Variants in MCPH1 observed in about 807,000 individuals in gnomAD.
MCPH1 encodes microcephalin 1.
In MCPH1, 104 loss-of-function variants were observed where a neutral mutation model predicts 84.5. The ratio of observed to expected loss-of-function variants is 1.23; its 90% CI spans 1.05 to 1.45. The LOEUF is 1.45. Among genes scored for constraint, MCPH1 ranks in the 40% most tolerant of loss-of-function variants. The pLI, the probability that MCPH1 is intolerant of heterozygous loss-of-function variation, is 0.00. For missense variants in MCPH1, 1,498 were observed against 1,005.7 expected, an observed-to-expected ratio of 1.49 and a Z score of -6.62; for synonymous variants, 514 against 366.8, an observed-to-expected ratio of 1.40 and a Z score of -4.58.
intron 9 of MCPH1, among the ~76,000 whole-genome samples, chr8:6,471,408 C>G (rs1281632856): frequency 6.6e-6 from 1 of 152,100 alleles, no homozygotes; most frequent in Non-Finnish European, 1.5e-5. Flanking sequence ...AAATGATACT[C>G]AATTACAGTT....
chr8:6,409,994 G>A (rs771470909), intron 2 of MCPH1, among the ~76,000 whole-genome samples: 2 of 151,026 alleles, frequency 1.3e-5, no homozygotes, highest in African/African-American at 2.5e-5. Context: ...TTTTTGAGAC[G>A]GAGTCTCGCT....
chr8:6,627,515 G>A (rs768475785), intron 13 of MCPH1, among the ~76,000 whole-genome samples: 26 of 152,326 alleles, frequency 1.7e-4, no homozygotes, highest in Non-Finnish European at 2.6e-4. Flanking sequence ...TAAAACAGAC[G>A]AAATCTACCA....
intron 12 of MCPH1, among the ~76,000 whole-genome samples, chr8:6,518,188 A>G (rs1369284629): frequency 6.6e-6 from 1 of 152,202 alleles, no homozygotes; most frequent in African/African-American, 2.4e-5. Context: ...GTCCCTCTGC[A>G]TCGGTGTCCA....
At chr8:6,407,100 C>G in intron 1 of MCPH1, 1 of 308,016 alleles carries the variant, frequency 3.2e-6, no homozygotes, top group Non-Finnish European at 6.3e-6. Flanking sequence ...ACCCCTGCTG[C>G]CTTAGTCCCT....
At chr8:6,409,833 G>C (rs1190654743) in intron 2 of MCPH1, among the ~76,000 whole-genome samples, 1 of 152,162 alleles carries the variant, frequency 6.6e-6, no homozygotes, top group Non-Finnish European at 1.5e-5. Flanking sequence ...TCCCATGTCA[G>C]GCATGGTTAG....
chr8:6,477,499 A>T, intron 9 of MCPH1, 95 bp from the exon 10 acceptor site: 1 of 1,137,546 alleles, frequency 8.8e-7, no homozygotes, highest in South Asian at 1.3e-5. Context: ...TAAGTGATGT[A>T]ACTTTTCAAA....
intron 9 of MCPH1, among the ~76,000 whole-genome samples, chr8:6,474,912 A>G (rs1013055296): frequency 6.6e-6 from 1 of 152,252 alleles, no homozygotes; most frequent in African/African-American, 2.4e-5. Context: ...CAAATATTCA[A>G]CTAGTCTCAT....
At chr8:6,608,341 A>G (rs1829962079) in intron 12 of MCPH1, among the ~76,000 whole-genome samples, 1 of 152,244 alleles carries the variant, frequency 6.6e-6, no homozygotes, top group African/African-American at 2.4e-5. Context: ...CGCAAGGAGA[A>G]ATGCGTTGAG....
chr8:6,486,022 C>T (rs1586054807), intron 11 of MCPH1, among the ~76,000 whole-genome samples: 1 of 152,070 alleles, frequency 6.6e-6, no homozygotes, highest in South Asian at 2.1e-4. Context: ...TGCATGGCCC[C>T]CCTCCTTTAA....
At chr8:6,438,148 T>C (rs1457815086) in intron 5 of MCPH1, among the ~76,000 whole-genome samples, 1 of 152,252 alleles carries the variant, frequency 6.6e-6, no homozygotes, top group Non-Finnish European at 1.5e-5. Flanking sequence ...TGGCCTTCTT[T>C]GCTATGTCAG....
chr8:6,545,337 T>C (rs1178578649), intron 12 of MCPH1, among the ~76,000 whole-genome samples: 1 of 152,172 alleles, frequency 6.6e-6, no homozygotes, highest in Non-Finnish European at 1.5e-5. Flanking sequence ...TTTATCCATT[T>C]CCTGTGTTTT....
At chr8:6,504,047 A>G (rs989823235) in intron 12 of MCPH1, among the ~76,000 whole-genome samples, 10 of 152,180 alleles carry the variant, frequency 6.6e-5, no homozygotes, top group Non-Finnish European at 1.3e-4. Context: ...GGCCGGGCGC[A>G]GTGGCTCACG....
rs1475345162 is a variant in MCPH1 at position 6,609,828 on chromosome 8, C to CCCCCCCCCCCCCCCA, written c.2215-11625_2215-11624insCCCCCCCCCCCCCAC. 2.8e-4 allele frequency among the ~76,000 whole-genome samples: 30 copies of CCCCCCCCCCCCCCCA among 108,616 alleles called. 1 individual carries two copies. Among genetic ancestry groups the CCCCCCCCCCCCCCCA allele is most frequent in the East Asian group, 4.6e-4 (2 of 4,314 alleles). The allele number at this position is 108,616 out of a possible 152,430, so 71.3% of individuals were successfully genotyped here. On this transcript the variant is annotated intron_variant, in intron 12 of 13. Transcript: ENST00000344683. ...CAAAGCAATGCCCCCCGCCCCCCCCCCACACACAGACTGCCAGGTAAACCA... is the reference window on the plus strand; with the variant it reads ...CAAAGCAATGCCCCCCGCCCCCCCCCCCCCCCCCCCCCCCACACACACAGACTGCCAGGTAAACCA...
chr8:6,509,411 C>A (rs1336991682), intron 12 of MCPH1, among the ~76,000 whole-genome samples: 7 of 152,202 alleles, frequency 4.6e-5, no homozygotes, highest in East Asian at 1.9e-4. Context: ...CAGTCATCTT[C>A]CATAGAGACG....
Position 6,621,623 on chromosome 8 carries a change from T to C in MCPH1, c.2384T>C (p.Ile795Thr). The C allele has an allele frequency of 6.2e-7, 1 of 1,614,172 alleles. No homozygotes were observed. Among genetic ancestry groups the C allele is most frequent in the Non-Finnish European group, 8.5e-7 (1 of 1,180,028 alleles). ...AGCCAAGTCCCCCGCCAGGCCAGCA[T>C]CGTCATCGGGCCCTACAGCGGAAAG... ...RVSQVPRQAS[I>T]VIGPYSGKKK... The change falls in exon 13 of 14, where the codon ATC becomes ACC. Residue 795 changes from isoleucine (I) to threonine (T), a missense_variant. Physicochemically the swap from Ile to Thr is moderately conservative, Grantham distance 89 (BLOSUM62 -1). Coordinates refer to ENST00000344683, the MANE Select transcript of MCPH1 (RefSeq NM_024596.5).
At chr8:6,595,954 C>A (rs2442576) in intron 12 of MCPH1, among the ~76,000 whole-genome samples, 72,872 of 152,002 alleles carry the variant, frequency 0.48, 18,431 homozygotes, top group Non-Finnish European at 0.56. Context: ...AGCCTGTGAG[C>A]GTCAGATGAA....
At chr8:6,570,520 A>G (rs1374502451) in intron 12 of MCPH1, among the ~76,000 whole-genome samples, 1 of 152,198 alleles carries the variant, frequency 6.6e-6, no homozygotes, top group Admixed American at 6.5e-5. Context: ...GAGTAAGCGC[A>G]GGAGTTAAAG....
At position 6,436,208 on chromosome 8, in the gene MCPH1, A is replaced by G. The variant is rs200561926; in HGVS notation, c.436+46A>G. 160 of 1,591,698 alleles carry G rather than the reference A, an allele frequency of 1.0e-4. 1 individual carries two copies. The Admixed American group carries it at 2.6e-3, about 26-fold the overall frequency. Reference sequence around the variant, plus strand: ...CAGTTCTTTGCATTTGTGTCCATACACCTTGTTTAATTTGCATGATGACTA... The same window carrying G: ...CAGTTCTTTGCATTTGTGTCCATACGCCTTGTTTAATTTGCATGATGACTA... On this transcript the variant is annotated intron_variant, in intron 5 of 13. Coordinates refer to ENST00000344683, the MANE Select transcript of MCPH1 (RefSeq NM_024596.5).
At chr8:6,599,407 A>G (rs1324886836) in intron 12 of MCPH1, among the ~76,000 whole-genome samples, 1 of 152,210 alleles carries the variant, frequency 6.6e-6, no homozygotes, top group East Asian at 1.9e-4. Flanking sequence ...AAAGAATGAA[A>G]AAACCGAGGA....
Sources: gnomAD v4.1 joint callset for allele counts (sites outside exome capture counted in the v4.1 genomes callset) on GRCh38, gnomAD v4.1.1 for gene constraint, MANE v1.5 for transcripts, NCBI Gene and HGNC (gene_info 2026-07-23, HGNC 2026-07-21) for gene names.